Variants in MGAT4C observed in about 807,000 individuals in gnomAD.
The protein encoded by MGAT4C is alpha-1,3-mannosyl-glycoprotein 4-beta-N-acetylglucosaminyltransferase C.
In MGAT4C, 19 loss-of-function variants were observed where a neutral mutation model predicts 40.1. That is an observed-to-expected ratio of 0.47 (90% CI 0.33 to 0.70). The LOEUF is 0.70. Ranked by LOEUF, MGAT4C falls within the 30% of genes least tolerant of loss-of-function variation. The pLI is 0.02. For missense variants in MGAT4C, 491 were observed against 563.2 expected (o/e 0.87, Z 1.30); for synonymous variants, 181 against 187.1 (o/e 0.97, Z 0.27).
In MGAT4C at chr12:85,979,897, A is replaced by C. The variant is rs1884351144; in HGVS notation, c.829T>G (p.Leu277Val). The change falls in exon 5 of 5, where the codon TTA becomes GTA. Residue 277 changes from leucine to valine, a missense_variant. Physicochemically the swap from Leu to Val is conservative, Grantham distance 32 (BLOSUM62 1). Coordinates refer to ENST00000611864, the MANE Select transcript of MGAT4C (RefSeq NM_001351288.2). ...CAAGGCATTTCTTGATAAAACATTA[A>C]TAAAAAATGGGCCAAACGTGGGAGA... ...HDLPRLAHFL[L>V]MFYQEMPCDW... The C allele has an allele frequency of 6.2e-7, 1 of 1,613,854 alleles. No homozygotes were observed. Among genetic ancestry groups the C allele is most frequent in the Non-Finnish European group, 8.5e-7 (1 of 1,179,852 alleles).
intron 1 of MGAT4C, among the ~76,000 whole-genome samples, chr12:86,776,206 C>T (rs1425023926): frequency 1.3e-5 from 2 of 151,906 alleles, no homozygotes; most frequent in East Asian, 3.9e-4. Context: ...AATGGAAATA[C>T]TTGCCATGGT....
chr12:86,235,542 C>T (rs542772889), intron 1 of MGAT4C, among the ~76,000 whole-genome samples: 7 of 152,124 alleles, frequency 4.6e-5, no homozygotes, highest in Admixed American at 2.6e-4. Context: ...TAACTCAATG[C>T]TATTGTCATA....
intron 1 of MGAT4C, among the ~76,000 whole-genome samples, chr12:86,838,429 C>G (rs1008219869): frequency 9.9e-5 from 15 of 152,120 alleles, no homozygotes; most frequent in Non-Finnish European, 1.9e-4. Flanking sequence ...GCCTGCAGCA[C>G]GGTTTTGTTG....
intron 1 of MGAT4C, among the ~76,000 whole-genome samples, chr12:86,140,796 T>C (rs929732067): frequency 2.6e-5 from 4 of 152,234 alleles, no homozygotes; most frequent in African/African-American, 9.6e-5. Flanking sequence ...ATGTTCATTA[T>C]ACATGCTGAA....
At chr12:86,131,581 G>T (rs1249974797) in intron 1 of MGAT4C, among the ~76,000 whole-genome samples, 1 of 151,720 alleles carries the variant, frequency 6.6e-6, no homozygotes, top group East Asian at 1.9e-4. Context: ...ATTTTTCATT[G>T]TCTTGAGAAA....
intron 1 of MGAT4C, among the ~76,000 whole-genome samples, chr12:86,149,037 A>T (rs1883929651): frequency 6.6e-6 from 1 of 152,206 alleles, no homozygotes; most frequent in Non-Finnish European, 1.5e-5. Context: ...TGACATTTTA[A>T]GTTCTTATTT....
At chr12:86,184,749 A>C (rs1888547705) in intron 1 of MGAT4C, among the ~76,000 whole-genome samples, 1 of 150,174 alleles carries the variant, frequency 6.7e-6, no homozygotes, top group Non-Finnish European at 1.5e-5. Flanking sequence ...AAAAAAAAAA[A>C]AAAAAAAAAA....
At chr12:86,482,067 T>TACACAC (rs10526768) in intron 2 of MGAT4C, among the ~76,000 whole-genome samples, 11,426 of 143,014 alleles carry the variant, frequency 0.08, 562 homozygotes, top group African/African-American at 0.14. Context: ...AACATGTCAC[T>TACACAC]ACACACACAC....
At chr12:86,686,667 G>C (rs1177061730) in intron 2 of MGAT4C, among the ~76,000 whole-genome samples, 1 of 152,202 alleles carries the variant, frequency 6.6e-6, no homozygotes, top group Non-Finnish European at 1.5e-5. Context: ...AACCAGCCTT[G>C]CATCCCAGGG....
chr12:86,437,467 A>T (rs1407943485), intron 2 of MGAT4C, among the ~76,000 whole-genome samples: 1 of 151,870 alleles, frequency 6.6e-6, no homozygotes, highest in Non-Finnish European at 1.5e-5. Context: ...AAAATGAGGA[A>T]GGCAAAATAA....
chr12:86,702,475 A>G (rs1950380850), intron 2 of MGAT4C, among the ~76,000 whole-genome samples: 1 of 152,178 alleles, frequency 6.6e-6, no homozygotes, highest in Non-Finnish European at 1.5e-5. Context: ...CTCTCTTGTT[A>G]AGGGCTAATG....
chr12:86,654,403 A>G (rs1033775748), intron 2 of MGAT4C, among the ~76,000 whole-genome samples: 6 of 151,878 alleles, frequency 4.0e-5, no homozygotes, highest in African/African-American at 1.4e-4. Context: ...AGAAAAATAG[A>G]ATGATATAAA....
chr12:86,624,404 G>C (rs1304548335), intron 2 of MGAT4C, among the ~76,000 whole-genome samples: 3 of 152,154 alleles, frequency 2.0e-5, no homozygotes, highest in Non-Finnish European at 4.4e-5. Flanking sequence ...AACTGCCCAA[G>C]TATTGAAAAC....
chr12:86,726,015 C>T (rs921390412), intron 2 of MGAT4C, among the ~76,000 whole-genome samples: 3 of 152,134 alleles, frequency 2.0e-5, no homozygotes, highest in Admixed American at 1.3e-4. Flanking sequence ...CACTTCAAAT[C>T]CTTCACAAAA....
intron 1 of MGAT4C, among the ~76,000 whole-genome samples, chr12:86,747,072 T>G (rs1192854224): frequency 6.6e-6 from 1 of 151,608 alleles, no homozygotes; most frequent in Non-Finnish European, 1.5e-5. Context: ...GAACTGAGTT[T>G]GAATCTGTAC....
chr12:86,603,724 C>T (rs1961920174), intron 2 of MGAT4C, among the ~76,000 whole-genome samples: 1 of 124,860 alleles, frequency 8.0e-6, no homozygotes, highest in Admixed American at 8.8e-5. Context: ...AGACTATATA[C>T]TATATAATTA....
At chr12:86,329,665 A>C (rs569511414) in intron 4 of MGAT4C, among the ~76,000 whole-genome samples, 13 of 152,290 alleles carry the variant, frequency 8.5e-5, no homozygotes, top group Middle Eastern at 3.4e-3. Context: ...TCGTCTTAAT[A>C]CTATAAACTT....
chr12:86,138,832 T>C (rs1481250519), intron 1 of MGAT4C, among the ~76,000 whole-genome samples: 7 of 152,062 alleles, frequency 4.6e-5, no homozygotes, highest in Non-Finnish European at 7.4e-5. Flanking sequence ...TTTGGACTAG[T>C]GTCAGGAAGA....
At chr12:86,479,919 C>T (rs1000384320) in intron 2 of MGAT4C, among the ~76,000 whole-genome samples, 3 of 151,818 alleles carry the variant, frequency 2.0e-5, no homozygotes, top group Admixed American at 6.6e-5. Flanking sequence ...AAACAAAATG[C>T]CTTTTTAATA....
Sources: gnomAD v4.1 joint callset for allele counts (sites outside exome capture counted in the v4.1 genomes callset) on GRCh38, gnomAD v4.1.1 for gene constraint, MANE v1.5 for transcripts, NCBI Gene and HGNC (gene_info 2026-07-23, HGNC 2026-07-21) for gene names.